ZNF99: variants seen among roughly 807,000 people sequenced by gnomAD.
ZNF99 encodes the protein zinc finger protein ENSP00000375192.
ZNF99 carries 8 observed loss-of-function variants against 12.8 expected under a neutral mutation model. The observed-to-expected ratio is 0.62, with a 90% CI of 0.37 to 1.13. ZNF99 has a LOEUF of 1.13. ZNF99 is among the 50% of genes most tolerant of loss of function. The pLI, the probability that ZNF99 is intolerant of heterozygous loss-of-function variation, is 0.02. For synonymous variants in ZNF99, 318 were observed against 319.0 expected, an observed-to-expected ratio of 1.00 and a Z score of 0.03; for missense variants, 1,007 against 1,006.2, an observed-to-expected ratio of 1.00 and a Z score of -0.01.
In ZNF99 at chr19:22,759,507, G is replaced by A; in HGVS notation, c.402C>T (p.Asn134=). 6.2e-7 allele frequency: 1 copy of A among 1,608,390 alleles called. No homozygotes were observed. Among genetic ancestry groups the A allele is most frequent in the Non-Finnish European group, 8.5e-7 (1 of 1,178,390 alleles). Residue 134 remains asparagine, a synonymous_variant, in exon 4 of 4, where the codon AAC becomes AAT. Transcript: ENST00000596209. The stretch of plus-strand genomic sequence containing the variant: ...TTCCCTGGGTAGTTGTCCAACATTG[G>A]TTAAGTTTATTATAAGCTTCTTCGT... ...KMHEEAYNKL[N]QCWTTTQGKI...
At chr19:22,773,037 G>A (rs1364546494) in intron 1 of ZNF99, among the ~76,000 whole-genome samples, 2 of 152,132 alleles carry the variant, frequency 1.3e-5, no homozygotes, top group Admixed American at 6.5e-5. Context: ...AAGGTAAAAC[G>A]GCTGTTTGCT....
In ZNF99 at chr19:22,754,307, C is replaced by A; in HGVS notation, c.*3007G>T. 1 of 420,728 alleles carries A rather than the reference C, an allele frequency of 2.4e-6. No individual in the cohort carries two copies. The highest frequency in any genetic ancestry group is 2.1e-5 in the African/African-American group (1 of 46,824). 26.1% of individuals were successfully genotyped at this position (420,728 alleles called of 1,614,324 possible). ...GCTTGAACCCAGGAGGCGGAGGTTG[C>A]AATGAACTGAGATTGCACCATTGCA... is the stretch of plus-strand genomic sequence containing the variant. On this transcript the variant is annotated 3_prime_UTR_variant, in exon 4 of 4. Transcript: ENST00000596209.
At chr19:22,780,917 C>A (rs942939560) in intron 1 of ZNF99, among the ~76,000 whole-genome samples, 16 of 152,098 alleles carry the variant, frequency 1.1e-4, no homozygotes, top group Non-Finnish European at 1.9e-4. Context: ...TTTTCTAAAG[C>A]CAAAATGGAA....
rs761285937 is a variant in ZNF99, at chr19:22,757,390, A to C, written c.2519T>G (p.Met840Arg). The C allele has an allele frequency of 6.2e-7, 1 of 1,610,240 alleles. No individual in the cohort carries two copies. The highest frequency in any genetic ancestry group is 1.1e-5 in the South Asian group (1 of 91,006). ...CTTCACATTTGCAGGGTTTCTCTCC[A>C]TATGAATTACCTTATGTAAAGTAAG... ...SKLTLHKVIH[M>R]ERNPANVKNV... The change falls in exon 4 of 4, where the codon ATG becomes AGG. Residue 840 changes from methionine (M) to arginine (R), a missense_variant. By Grantham distance (91) the Met-to-Arg change is moderately conservative. Transcript: ENST00000596209.
Position 22,756,064 on chromosome 19 carries a change from TTTC to T in ZNF99, c.*1247_*1249del. 7.7e-7 allele frequency: 1 copy of T among 1,303,736 alleles called. No homozygotes were observed. The highest frequency in any genetic ancestry group is 1.0e-6 in the Non-Finnish European group (1 of 964,700). The allele number at this position is 1,303,736 out of a possible 1,614,324, so 80.8% of individuals were successfully genotyped here. ...GGGGTTTCTCTCCAGCATGAATTGT[TTTC>T]TGCCTATTAAGGCTTGAGGACTGGT... is the stretch of plus-strand genomic sequence containing the variant. On this transcript the variant is annotated 3_prime_UTR_variant, in exon 4 of 4. Coordinates refer to ENST00000596209, the MANE Select transcript of ZNF99 (RefSeq NM_001080409.3).
In ZNF99 at chr19:22,759,645, A is replaced by T. The variant is rs1973129129; in HGVS notation, c.264T>A (p.Asp88Glu). ...CTTGGAAAGAATCTTTTATGCTCTG[A>T]TCTGGCCAAAAGTCTTGTGTAAAAT... ...SSHFTQDFWP[D>E]QSIKDSFQEI... is the part of the protein sequence containing the mutation. Residue 88 changes from aspartate (D) to glutamate (E), a missense_variant, in exon 4 of 4, where the codon GAT (aspartate) becomes GAA (glutamate). Coordinates refer to ENST00000596209, the MANE Select transcript of ZNF99 (RefSeq NM_001080409.3). The T allele has an allele frequency of 6.4e-7, 1 of 1,572,220 alleles. No homozygotes were observed. The highest frequency in any genetic ancestry group is 8.6e-7 in the Non-Finnish European group (1 of 1,165,952).
At chr19:22,774,992 A>C (rs1568387584) in intron 1 of ZNF99, among the ~76,000 whole-genome samples, 1 of 152,230 alleles carries the variant, frequency 6.6e-6, no homozygotes, top group Non-Finnish European at 1.5e-5. Context: ...ACTACCCAAA[A>C]ACGGAACAGA....
rs1484411284 is a variant in ZNF99 at position 22,758,913 on chromosome 19, C to G, written c.996G>C (p.Gln332His). The change falls in exon 4 of 4, where the codon CAG becomes CAC. Residue 332 changes from glutamine (Q) to histidine (H), a missense_variant. By Grantham distance (24) the Gln-to-His change is conservative. Coordinates refer to ENST00000596209, the MANE Select transcript of ZNF99 (RefSeq NM_001080409.3). ...AGGGTTTCTTTCCAGTATGAATTAT[C>G]TGATGTTTTCTAAGGGCTGAGAAAT... ...FNHFSALRKH[Q>H]IIHTGKKPYK... 5.6e-6 allele frequency: 9 copies of G among 1,613,734 alleles called. No homozygotes were observed. Among genetic ancestry groups the G allele is most frequent in the Non-Finnish European group, 6.8e-6 (8 of 1,179,892 alleles).
At chr19:22,775,751 G>A (rs1457171729) in intron 1 of ZNF99, among the ~76,000 whole-genome samples, 5 of 152,218 alleles carry the variant, frequency 3.3e-5, no homozygotes, top group Admixed American at 6.5e-5. Context: ...GCAGCCAGGC[G>A]CGGTGGCTCA....
At chr19:22,779,808 G>A (rs1239193022) in intron 1 of ZNF99, among the ~76,000 whole-genome samples, 1 of 152,104 alleles carries the variant, frequency 6.6e-6, no homozygotes, top group African/African-American at 2.4e-5. Context: ...TATGAAACAA[G>A]GCCCTTGTCT....
chr19:22,773,064 A>C (rs1973290151), intron 1 of ZNF99, among the ~76,000 whole-genome samples: 1 of 152,190 alleles, frequency 6.6e-6, no homozygotes, highest in Non-Finnish European at 1.5e-5. Context: ...TGAAGTTTGT[A>C]GAATTCTGAT....
intron 1 of ZNF99, 85 bp from the exon 2 acceptor site, chr19:22,769,409 G>T: frequency 1.4e-6 from 2 of 1,441,624 alleles, no homozygotes; most frequent in Non-Finnish European, 1.9e-6. Context: ...AAATGAGAGA[G>T]TAAAGAGAAC....
At chr19:22,760,971 T>A (rs1247072024) in intron 3 of ZNF99, among the ~76,000 whole-genome samples, 1 of 151,640 alleles carries the variant, frequency 6.6e-6, no homozygotes, top group African/African-American at 2.4e-5. Context: ...CCAAGACAAT[T>A]GGTTTCAGAT....
At chr19:22,772,931 A>G (rs571323251) in intron 1 of ZNF99, among the ~76,000 whole-genome samples, 1 of 152,288 alleles carries the variant, frequency 6.6e-6, no homozygotes, top group Non-Finnish European at 1.5e-5. Flanking sequence ...CCATGTGTAC[A>G]TGTCTACTCA....
Position 22,758,438 on chromosome 19 carries a change from T to G in ZNF99, c.1471A>C (p.Lys491Gln), listed in dbSNP as rs760581791. ...TGTACAGTAAGTTTTGAGGACCACT[T>G]AAAAGCTTTACCACATTCTTCACAT... is the stretch of plus-strand genomic sequence containing the variant. ...YKCEECGKAF[K>Q]WSSKLTVHKV... Residue 491 changes from lysine to glutamine, a missense_variant, in exon 4 of 4, where the codon AAG (lysine) becomes CAG (glutamine). Coordinates refer to ENST00000596209, the MANE Select transcript of ZNF99 (RefSeq NM_001080409.3). The G allele has an allele frequency of 3.6e-5, 58 of 1,613,096 alleles. No individual in the cohort carries two copies. In the East Asian group the frequency reaches 1.1e-3, roughly 32 times the overall value.
intron 3 of ZNF99, among the ~76,000 whole-genome samples, chr19:22,760,670 G>T (rs1973140820): frequency 6.6e-6 from 1 of 151,970 alleles, no homozygotes; most frequent in African/African-American, 2.4e-5. Context: ...CATGAACCCG[G>T]GAGGCAGAGC....
intron 1 of ZNF99, among the ~76,000 whole-genome samples, chr19:22,773,421 G>A (rs1973293507): frequency 6.6e-6 from 1 of 151,154 alleles, no homozygotes; most frequent in Non-Finnish European, 1.5e-5. Flanking sequence ...AAGACAAAAG[G>A]ATGGTCACCT....
At chr19:22,763,508 C>T (rs1260593529) in intron 3 of ZNF99, among the ~76,000 whole-genome samples, 1 of 152,114 alleles carries the variant, frequency 6.6e-6, no homozygotes, top group Non-Finnish European at 1.5e-5. Context: ...AAACAGTCCA[C>T]GTTCATGGAT....
In ZNF99 at chr19:22,759,420, A is replaced by T; in HGVS notation, c.489T>A (p.Tyr163Ter). The change falls in exon 4 of 4, where the codon TAT (tyrosine) becomes TAA (stop). Residue 163 changes from tyrosine (Y) to a stop codon, truncating the protein, a stop_gained. Coordinates refer to ENST00000596209, the MANE Select transcript of ZNF99 (RefSeq NM_001080409.3). LOFTEE classifies it low-confidence loss of function (END_TRUNC). The stretch of plus-strand genomic sequence containing the variant: ...TTTTCTTTTTAGTGTGTCTAATCTT[A>T]TATCTATTTGAATTTGAATATTTAT... ...VFHKYSNSNR[Y>*]KIRHTKKKTF... is the part of the protein sequence containing the mutation. 2 of 1,580,954 alleles carry T rather than the reference A, an allele frequency of 1.3e-6. No homozygotes were observed. Among genetic ancestry groups the T allele is most frequent in the South Asian group, 1.2e-5 (1 of 86,852 alleles).
Sources: allele counts gnomAD v4.1 joint callset (sites outside exome capture counted in the v4.1 genomes callset), GRCh38; gene constraint gnomAD v4.1.1; transcripts MANE v1.5; gene names NCBI Gene and HGNC (gene_info 2026-07-23, HGNC 2026-07-21).